The following KCNN1 variants were observed in gnomAD, a reference collection of about 807,000 sequenced individuals.
KCNN1 encodes small conductance calcium-activated potassium channel protein 1.
Under a neutral mutation model 44.7 loss-of-function variants are expected in KCNN1, and 20 were observed. The ratio of observed to expected loss-of-function variants is 0.45; its 90% confidence interval spans 0.32 to 0.65. The LOEUF is 0.65. Among genes scored for constraint, KCNN1 ranks in the 30% least tolerant of loss-of-function variants. The pLI is 0.05. For synonymous variants in KCNN1, 324 were observed against 341.7 expected (o/e 0.95, Z 0.57); for missense variants, 632 against 785.3 (o/e 0.80, Z 2.33).
rs532125881 is a variant in KCNN1, at chr19:17,955,236, C to T, written c.-82+555C>T. On this transcript the variant is annotated intron_variant, in intron 2 of 10. Coordinates refer to the KCNN1 transcript ENST00000222249. ...CTGCACTCCAGCCTAGGCGACAGAG[C>T]GAGACCCCCATCTCTTTAATTAAAA... Among the ~76,000 whole-genome samples the T allele has an allele frequency of 2.7e-5, 4 of 148,130 alleles. No individual in the cohort carries two copies. In the Admixed American group the frequency reaches 2.7e-4, roughly 10 times the overall value.
intron 1 of KCNN1, chr19:17,952,247 C>G (rs1422919281): frequency 3.3e-5 from 5 of 151,992 alleles, no homozygotes; most frequent in Non-Finnish European, 7.4e-5. Context: ...CGCGCACACC[C>G]TCCCGGCTCA....
intron 1 of KCNN1, among the ~76,000 whole-genome samples, chr19:17,967,674 C>T (rs1457586819): frequency 1.3e-5 from 2 of 151,766 alleles, no homozygotes; most frequent in Non-Finnish European, 2.9e-5. Flanking sequence ...GGAGGTGACC[C>T]ACCACTGGCC....
chr19:17,975,079 C>G lies in KCNN1; in HGVS notation c.403-13C>G, dbSNP rs371773032. The G allele has an allele frequency of 1.3e-4, 217 of 1,609,788 alleles. No individual in the cohort carries two copies. The highest frequency in any genetic ancestry group is 5.0e-4 in the Admixed American group (30 of 59,984). On this transcript the variant is annotated splice_polypyrimidine_tract_variant and intron_variant, in intron 2 of 9. Transcript: ENST00000684775. ...TCCAGCGTCCATCTGGCTGTGTCCT[C>G]TCTCTTTACCAGGAGTCTCTGTACT...
At chr19:17,966,023 G>GCCTGCCTGCCTT (rs1369774115), upstream of KCNN1, among the ~76,000 whole-genome samples, 4 of 119,702 alleles carry the variant, frequency 3.3e-5, no homozygotes, top group African/African-American at 1.3e-4. Flanking sequence ...CTGCCTGCCT[G>GCCTGCCTGCCTT]CCTTCCTTCC....
Position 17,988,540 on chromosome 19 carries a change from T to G in KCNN1, c.1170+15T>G. The G allele has an allele frequency of 6.9e-6, 11 of 1,586,642 alleles. No homozygotes were observed. The highest frequency in any genetic ancestry group is 9.5e-6 in the Non-Finnish European group (11 of 1,156,468). ...TCACCAAGCGGGTGAGGACCGCGGT[T>G]CCCATGGAGGCCGCCTCCTGGCCTT... On this transcript the variant is annotated intron_variant, in intron 6 of 9. Coordinates refer to ENST00000684775, the MANE Select transcript of KCNN1 (RefSeq NM_001386974.1).
chr19:17,989,395 T>A (rs1599374496), intron 6 of KCNN1, among the ~76,000 whole-genome samples: 1 of 151,708 alleles, frequency 6.6e-6, no homozygotes, highest in East Asian at 1.9e-4. Flanking sequence ...GAGGTGGAGG[T>A]CGCAGTGAGG....
At chr19:17,969,565 GC>G (rs2031939459) in intron 1 of KCNN1, among the ~76,000 whole-genome samples, 1 of 151,658 alleles carries the variant, frequency 6.6e-6, no homozygotes, top group Admixed American at 6.6e-5. Context: ...CCCCCTCCCT[GC>G]CCAGGGCACC....
In KCNN1 at chr19:17,983,806, C is replaced by T. The variant is rs1037587751; in HGVS notation, c.918-1506C>T. ...ACCCACCGACTAGAGGGCACCCCCC[C>T]GCCCCTCCTGCCCTCTGGGGGTCAG... On this transcript the variant is annotated intron_variant, in intron 4 of 9. Coordinates refer to ENST00000684775, the MANE Select transcript of KCNN1 (RefSeq NM_001386974.1). The surrounding 1 kb of genome is among the most constrained non-coding windows in gnomAD (Gnocchi z 4.5). 5.9e-5 allele frequency among the ~76,000 whole-genome samples: 9 copies of T among 152,130 alleles called. No individual in the cohort carries two copies. The highest frequency in any genetic ancestry group is 3.4e-3 in the Middle Eastern group (1 of 294).
At chr19:17,982,148 G>GGCCC in intron 4 of KCNN1, 21 bp downstream of exon 4, 1 of 1,473,680 alleles carries the variant, frequency 6.8e-7, no homozygotes, top group Non-Finnish European at 9.0e-7. Context: ...CGCCCCTGGA[G>GGCCC]CCCCCCCAGC....
rs1568455340 is a variant in KCNN1, at chr19:17,982,067, T to G, written c.857T>G (p.Leu286Arg). The part of the protein sequence containing the change: ...TLMTICPGTV[L>R]LVFSISSWII... ...ATGACCATCTGCCCCGGCACCGTGC[T>G]GCTGGTCTTCAGCATCTCCTCCTGG... The change falls in exon 4 of 10, where the codon CTG (leucine) becomes CGG (arginine). Residue 286 changes from leucine to arginine, a missense_variant. Leu to Arg is a moderately radical substitution (Grantham distance 102). Coordinates refer to ENST00000684775, the MANE Select transcript of KCNN1 (RefSeq NM_001386974.1). 1 of 1,607,670 alleles carries G rather than the reference T, an allele frequency of 6.2e-7. No individual in the cohort carries two copies. Among genetic ancestry groups the G allele is most frequent in the Middle Eastern group, 1.7e-4 (1 of 6,056 alleles).
Position 17,967,148 on chromosome 19 carries a change from G to A in KCNN1, c.-251G>A, listed in dbSNP as rs1394370662. 4 of 968,454 alleles carry A rather than the reference G, an allele frequency of 4.1e-6. No individual in the cohort carries two copies. The East Asian group carries it at 3.5e-4, about 84-fold the overall frequency. 60.0% of individuals were successfully genotyped at this position (968,454 alleles called of 1,614,324 possible). A position where few individuals can be genotyped will look rare whatever the true frequency, so the allele number is the denominator to read the frequency against. On this transcript the variant is annotated 5_prime_UTR_variant, in exon 1 of 10. Coordinates refer to ENST00000684775, the MANE Select transcript of KCNN1 (RefSeq NM_001386974.1). ...CCGGGCCCGTGGACTGGGCGGCGGG[G>A]GATGCGCCTGCCGCCGCCGCCCCCG...
In KCNN1 at chr19:17,982,047, C is replaced by T; in HGVS notation, c.837C>T (p.Thr279=). 1 of 1,609,488 alleles carries T rather than the reference C, an allele frequency of 6.2e-7. No individual in the cohort carries two copies. Among genetic ancestry groups the T allele is most frequent in the African/African-American group, 1.3e-5 (1 of 74,928 alleles). The change falls in exon 4 of 10, where the codon ACC becomes ACT. Residue 279 remains threonine, a synonymous_variant. Coordinates refer to ENST00000684775, the MANE Select transcript of KCNN1 (RefSeq NM_001386974.1). ...NTRFVMKTLM[T]ICPGTVLLVF... ...GCTTCGTCATGAAGACACTCATGAC[C>T]ATCTGCCCCGGCACCGTGCTGCTGG...
At position 17,983,784 on chromosome 19, in the gene KCNN1, C is replaced by T. The variant is rs1050620632; in HGVS notation, c.918-1528C>T. ...CGTCTGGATCTGGGGCTCACCCACC[C>T]ACCGACTAGAGGGCACCCCCCCGCC... On this transcript the variant is annotated intron_variant, in intron 4 of 9. Coordinates refer to ENST00000684775, the MANE Select transcript of KCNN1 (RefSeq NM_001386974.1). This position sits in a 1 kb window ranked among gnomAD's most constrained non-coding sequence, Gnocchi z 4.5. Among the ~76,000 whole-genome samples, 1 of 151,982 alleles carries T rather than the reference C, an allele frequency of 6.6e-6. No individual in the cohort carries two copies. The highest frequency in any genetic ancestry group is 1.5e-5 in the Non-Finnish European group (1 of 67,996).
chr19:17,969,512 C>T (rs2056911457), intron 1 of KCNN1, among the ~76,000 whole-genome samples: 1 of 152,046 alleles, frequency 6.6e-6, no homozygotes. Flanking sequence ...CTCCACCCCT[C>T]CACCCTCTTG....
At position 17,958,252 on chromosome 19, in the gene KCNN1, A is replaced by G. The variant is rs553009185; in HGVS notation, c.-82+3571A>G. Among the ~76,000 whole-genome samples the G allele has an allele frequency of 2.6e-5, 4 of 152,182 alleles. No individual in the cohort carries two copies. The East Asian group carries it at 5.8e-4, about 22-fold the overall frequency. ...TCCCAGCACTTTGGGAGGCCAAGGT[A>G]TGAGGATCACTTGAGGACAGGAGTT... On this transcript the variant is annotated intron_variant, in intron 2 of 10. Transcript: ENST00000222249.
At chr19:17,994,578 C>T (rs1325839028) in intron 9 of KCNN1, among the ~76,000 whole-genome samples, 1 of 151,726 alleles carries the variant, frequency 6.6e-6, no homozygotes, top group East Asian at 1.9e-4. Flanking sequence ...GAGTCTTGCT[C>T]TGTCACCCAG....
At chr19:17,979,500 A>G (rs2032324699) in intron 3 of KCNN1, among the ~76,000 whole-genome samples, 3 of 117,328 alleles carry the variant, frequency 2.6e-5, no homozygotes, top group African/African-American at 9.8e-5. Flanking sequence ...TGATCCCGCC[A>G]GAGCAGGACC....
upstream of KCNN1, among the ~76,000 whole-genome samples, chr19:17,964,851 G>A (rs2031759768): frequency 6.6e-6 from 1 of 152,218 alleles, no homozygotes; most frequent in African/African-American, 2.4e-5. The surrounding 1 kb of genome is among the most constrained non-coding windows in gnomAD (Gnocchi z 4.3). Flanking sequence ...ACAAGCACAG[G>A]TCTTTTCAGA....
chr19:17,955,151 G>A (rs2031510694), intron 2 of KCNN1, among the ~76,000 whole-genome samples: 1 of 143,790 alleles, frequency 7.0e-6, no homozygotes, highest in Middle Eastern at 3.3e-3. Context: ...GCTAAGGTGG[G>A]AGTATCGAGT....
Sources: gnomAD v4.1 joint callset for allele counts (sites outside exome capture counted in the v4.1 genomes callset) on GRCh38, gnomAD v4.1.1 for gene constraint, Gnocchi (gnomAD v3.1) non-coding constraint, MANE v1.5 for transcripts, NCBI Gene and HGNC (gene_info 2026-07-23, HGNC 2026-07-21) for gene names.